VSIG8: variants seen among roughly 807,000 people sequenced by gnomAD.
VSIG8 encodes V-set and immunoglobulin domain-containing protein 8.
VSIG8 carries 32 observed loss-of-function variants against 42.6 expected under a neutral mutation model. The observed-to-expected ratio is 0.75, with a 90% CI of 0.57 to 1.01. The LOEUF (loss-of-function observed/expected upper bound fraction) is 1.01, where lower values mean the gene tolerates loss of function less well. Among genes scored for constraint, VSIG8 ranks in the 50% least tolerant of loss-of-function variants. The probability of loss-of-function intolerance (pLI) is 0.00; values close to 1 mark genes in which losing one functional copy is unlikely to be tolerated. For synonymous variants in VSIG8, 290 were observed against 243.8 expected, an observed-to-expected ratio of 1.19 and a Z score of -1.77; for missense variants, 529 against 558.0, an observed-to-expected ratio of 0.95 and a Z score of 0.52.
At position 159,856,084 on chromosome 1, in the gene VSIG8, G is replaced by A; in HGVS notation, c.773-3C>T. 2 of 1,608,540 alleles carry A rather than the reference G, an allele frequency of 1.2e-6. No individual in the cohort carries two copies. Among genetic ancestry groups the A allele is most frequent in the Non-Finnish European group, 1.7e-6 (2 of 1,177,716 alleles). ...GATCACGCCTATACGCCGGGAGTCT[G>A]TGGAGAGAAGTGGAGGCAGGTCAGG... On this transcript the variant is annotated splice_region_variant and splice_polypyrimidine_tract_variant and intron_variant, in intron 5 of 6. Transcript: ENST00000368100.
chr1:159,854,983 T>A lies in VSIG8; in HGVS notation c.1015A>T (p.Ser339Cys). 1 of 1,556,460 alleles carries A rather than the reference T, an allele frequency of 6.4e-7. No individual in the cohort carries two copies. The highest frequency in any genetic ancestry group is 8.6e-7 in the Non-Finnish European group (1 of 1,157,456). ...TACCCCAGGAGGTGGGTGACGCGGC[T>A]GCCGCGCCCGCTGGCCTTGCACCCG... ...APGCKASGRG[S>C]RVTHLLGYPT... The change falls in exon 7 of 7, where the codon AGC (serine) becomes TGC (cysteine). Residue 339 changes from serine (S) to cysteine (C), a missense_variant. Physicochemically the swap from Ser to Cys is moderately radical, Grantham distance 112. Transcript: ENST00000368100.
At chr1:159,856,700 C>T in intron 4 of VSIG8, 57 bp from the exon 5 acceptor site, 1 of 1,595,424 alleles carries the variant, frequency 6.3e-7, no homozygotes, top group East Asian at 2.2e-5. Flanking sequence ...CAACCTCAGT[C>T]CCTGTGGGGT....
At chr1:159,856,242 A>C in intron 5 of VSIG8, 161 bp from the exon 6 acceptor site, 1 of 785,862 alleles carries the variant, frequency 1.3e-6, no homozygotes, top group Non-Finnish European at 2.0e-6. Context: ...ATATGGGGAG[A>C]TGCAAGTTAA....
chr1:159,855,163 G>C, intron 6 of VSIG8, 137 bp from the exon 7 acceptor site: 1 of 1,551,570 alleles, frequency 6.4e-7, no homozygotes. Context: ...TCTCTCCCTC[G>C]GCCTCGACCT....
rs559110236 is a variant in VSIG8 at position 159,855,736 on chromosome 1, G to A, written c.971+147C>T. On this transcript the variant is annotated intron_variant, in intron 6 of 6. Coordinates refer to ENST00000368100, the MANE Select transcript of VSIG8 (RefSeq NM_001013661.1). ...GGGAAAGCCATGAGTTGGGTGGCAG[G>A]TCGACATGCCGCAGTCCCAGCACTC... The A allele has an allele frequency of 6.4e-5, 89 of 1,382,126 alleles. No homozygotes were observed. The African/African-American group carries it at 1.2e-3, about 18-fold the overall frequency. 85.6% of individuals were successfully genotyped at this position (1,382,126 alleles called of 1,614,324 possible).
rs1158612963 is a variant in VSIG8 at position 159,857,872 on chromosome 1, G to C, written c.525C>G (p.Pro175=). 6.2e-7 allele frequency: 1 copy of C among 1,614,222 alleles called. No homozygotes were observed. The highest frequency in any genetic ancestry group is 8.5e-7 in the Non-Finnish European group (1 of 1,180,042). Residue 175 remains proline, a synonymous_variant, in exon 4 of 7, where the codon CCC becomes CCG. Coordinates refer to ENST00000368100, the MANE Select transcript of VSIG8 (RefSeq NM_001013661.1). ...LKCYASGGSQ[P]LSYKWAKISG... ...TGATCTTGGCCCACTTGTAGGAGAG[G>C]GGCTGGGAGCCCCCACTGGCATAGC...
chr1:159,859,182 G>A (rs533522581), intron 1 of VSIG8, among the ~76,000 whole-genome samples: 6 of 152,316 alleles, frequency 3.9e-5, no homozygotes, highest in African/African-American at 1.4e-4. Context: ...GTATGAATAT[G>A]TACACGTATG....
At chr1:159,855,649 G>C (rs1648790704) in intron 6 of VSIG8, 13 of 967,730 alleles carry the variant, frequency 1.3e-5, no homozygotes, top group African/African-American at 1.8e-5. Flanking sequence ...ACAGACAGGT[G>C]CGTAGGCAGG....
Position 159,854,740 on chromosome 1 carries a change from C to T in VSIG8, c.*13G>A. On this transcript the variant is annotated 3_prime_UTR_variant, in exon 7 of 7. Coordinates refer to ENST00000368100, the MANE Select transcript of VSIG8 (RefSeq NM_001013661.1). ...CCTCCTGGCTGGGGCGCAGCCCGGC[C>T]CGGCGCGCGCGCTCACACCAAGAGG... 2 of 1,461,434 alleles carry T rather than the reference C, an allele frequency of 1.4e-6. No individual in the cohort carries two copies. The highest frequency in any genetic ancestry group is 2.7e-5 in the South Asian group (2 of 75,306). The allele number at this position is 1,461,434 out of a possible 1,614,324, so 90.5% of individuals were successfully genotyped here. A position where few individuals can be genotyped will look rare whatever the true frequency, so the allele number is the denominator to read the frequency against.
At chr1:159,856,792 C>CACACACACA in intron 4 of VSIG8, 149 bp from the exon 5 acceptor site, 2 of 1,033,650 alleles carry the variant, frequency 1.9e-6, no homozygotes, top group South Asian at 1.7e-5. Flanking sequence ...CACACACACT[C>CACACACACA]CACTCTCCAG....
chr1:159,862,380 A>T, intron 1 of VSIG8, 93 bp downstream of exon 1: 1 of 1,388,678 alleles, frequency 7.2e-7, no homozygotes, highest in South Asian at 1.4e-5. Context: ...CAGGCAACTC[A>T]GGCAGCCCCA....
Position 159,854,586 on chromosome 1 carries a change from G to A in VSIG8, c.*167C>T. The A allele has an allele frequency of 2.4e-6, 3 of 1,252,396 alleles. No homozygotes were observed. The highest frequency in any genetic ancestry group is 4.2e-5 in the South Asian group (2 of 47,206). 77.6% of individuals were successfully genotyped at this position (1,252,396 alleles called of 1,614,324 possible). A position where few individuals can be genotyped will look rare whatever the true frequency, so the allele number is the denominator to read the frequency against. ...CCCGCCCCTTCCCACTTTTGGGGAG[G>A]AGGCTCTGCCTCCCTACGCATTTCC... is the stretch of plus-strand genomic sequence containing the variant. On this transcript the variant is annotated 3_prime_UTR_variant, in exon 7 of 7. Transcript: ENST00000368100.
At position 159,854,821 on chromosome 1, in the gene VSIG8, C is replaced by T. The variant is rs1648747990; in HGVS notation, c.1177G>A (p.Val393Ile). The change falls in exon 7 of 7, where the codon GTC becomes ATC. Residue 393 changes from valine (V) to isoleucine (I), a missense_variant. Physicochemically the swap from Val to Ile is conservative, Grantham distance 29. Coordinates refer to ENST00000368100, the MANE Select transcript of VSIG8 (RefSeq NM_001013661.1). The stretch of plus-strand genomic sequence containing the variant: ...CAGTCAGCCGGCTCCGCGCTCTTGA[C>T]CTTGACGTAGACCGGGGAGGGGCCC... ...EAGPSPVYVK[V>I]KSAEPADCAE... 1.3e-6 allele frequency: 2 copies of T among 1,501,982 alleles called. No individual in the cohort carries two copies. Among genetic ancestry groups the T allele is most frequent in the South Asian group, 2.5e-5 (2 of 80,964 alleles). 93.0% of individuals were successfully genotyped at this position (1,501,982 alleles called of 1,614,324 possible). A position where few individuals can be genotyped will look rare whatever the true frequency, so the allele number is the denominator to read the frequency against.
intron 1 of VSIG8, chr1:159,861,287 G>A (rs137858043): frequency 1.3e-5 from 2 of 152,102 alleles, no homozygotes; most frequent in Admixed American, 6.5e-5. Context: ...TCTCAATAGT[G>A]GTGCCTACTC....
At chr1:159,855,674 C>A in intron 6 of VSIG8, 1 of 955,258 alleles carries the variant, frequency 1.0e-6, no homozygotes, top group Non-Finnish European at 1.2e-6. Context: ...AAATGGAAGG[C>A]AGGGAGCAGA....
chr1:159,858,726 G>A lies in VSIG8; in HGVS notation c.228+8C>T. ...TAGAGGAAGGAGACCCCTGTGCCCAGCACTCACCACGTTCTCTCGGTGGTG... is the reference window on the plus strand; with the variant it reads ...TAGAGGAAGGAGACCCCTGTGCCCAACACTCACCACGTTCTCTCGGTGGTG... On this transcript the variant is annotated splice_region_variant and intron_variant, in intron 2 of 6. Transcript: ENST00000368100. The A allele has an allele frequency of 1.9e-6, 3 of 1,606,540 alleles. No individual in the cohort carries two copies. The South Asian group carries it at 3.3e-5, about 18-fold the overall frequency.
intron 4 of VSIG8, among the ~76,000 whole-genome samples, 165 bp downstream of exon 4, chr1:159,857,575 CAAAAA>C (rs10683798): frequency 1.6e-5 from 2 of 121,232 alleles, no homozygotes; most frequent in Admixed American, 1.7e-4. Flanking sequence ...AACTCTGTCT[CAAAAA>C]AAAAAAAAAA....
Position 159,858,199 on chromosome 1 carries a change from G to A in VSIG8, c.321C>T (p.Tyr107=), listed in dbSNP as rs138280068. The change falls in exon 3 of 7, where the codon TAC becomes TAT. Residue 107 remains tyrosine, a synonymous_variant. Transcript: ENST00000368100. ...GGTTCATGAGGTTGATGGAGGCATC[G>A]TACTGGCTTGGGTCTGAGGCTGCAA... The part of the protein sequence containing the change: ...VRFAASDPSQ[Y]DASINLMNLQ... 5.3e-5 allele frequency: 85 copies of A among 1,614,112 alleles called. No individual in the cohort carries two copies. The highest frequency in any genetic ancestry group is 6.9e-5 in the Non-Finnish European group (81 of 1,180,044).
chr1:159,860,745 A>G (rs1648995926), intron 1 of VSIG8: 1 of 152,196 alleles, frequency 6.6e-6, no homozygotes, highest in African/African-American at 2.4e-5. Flanking sequence ...ATGAGCCAGA[A>G]CTCGGCTGAG....
Sources: allele counts gnomAD v4.1 joint callset (sites outside exome capture counted in the v4.1 genomes callset), GRCh38; gene constraint gnomAD v4.1.1; transcripts MANE v1.5; gene names NCBI Gene and HGNC (gene_info 2026-07-23, HGNC 2026-07-21).